Variants in LGI1 observed in about 807,000 individuals in gnomAD.
LGI1 encodes the protein leucine rich glioma inactivated 1, also known as leucine-rich glioma-inactivated protein 1.
A neutral mutation model predicts 57.7 loss-of-function variants in LGI1; 11 were observed. The ratio of observed to expected loss-of-function variants is 0.19; its 90% confidence interval spans 0.12 to 0.32. The LOEUF is 0.32. Among genes scored for constraint, LGI1 ranks in the 10% least tolerant of loss-of-function variants. The pLI is 1.00. For missense variants in LGI1, 422 were observed against 661.9 expected, an observed-to-expected ratio of 0.64 and a Z score of 3.98; for synonymous variants, 222 against 241.9, an observed-to-expected ratio of 0.92 and a Z score of 0.76.
intron 2 of LGI1, among the ~76,000 whole-genome samples, chr10:93,773,866 G>C (rs990489190): frequency 2.6e-5 from 4 of 152,116 alleles, no homozygotes; most frequent in African/African-American, 9.7e-5. Context: ...GGCAAATTCC[G>C]CACAACCTCT....
chr10:93,796,423 A>G (rs2059980157), intron 7 of LGI1, among the ~76,000 whole-genome samples: 1 of 152,194 alleles, frequency 6.6e-6, no homozygotes, highest in African/African-American at 2.4e-5. Flanking sequence ...ACTTGTCCCC[A>G]GCTTGGGTTA....
At chr10:93,784,547 T>C (rs753400864) in intron 4 of LGI1, among the ~76,000 whole-genome samples, 22 of 152,206 alleles carry the variant, frequency 1.4e-4, no homozygotes, top group Non-Finnish European at 2.1e-4. Context: ...AAAGTGAGTC[T>C]GACTGGCAAG....
rs71031540 is a variant in LGI1, at chr10:93,794,362, C to CTTTTTT, written c.838+1026_838+1031dup. ...AAAACTTTTACTTATCTGGATCTCT[C>CTTTTTT]TTTTTTTTTTTTTTTTTTTGAGATG... On this transcript the variant is annotated intron_variant, in intron 7 of 7. Transcript: ENST00000371418. 7.0e-4 allele frequency among the ~76,000 whole-genome samples: 71 copies of CTTTTTT among 101,182 alleles called. 1 individual carries two copies. The highest frequency in any genetic ancestry group is 1.1e-3 in the Non-Finnish European group (58 of 54,396). 66.4% of individuals were successfully genotyped at this position (101,182 alleles called of 152,430 possible).
intron 4 of LGI1, chr10:93,789,424 G>A: frequency 6.5e-6 from 1 of 152,974 alleles, no homozygotes. Flanking sequence ...GGCAGCCCAG[G>A]CAAGAGGAGG....
At chr10:93,792,974 T>C in intron 6 of LGI1, 62 bp downstream of exon 6, 1 of 1,512,410 alleles carries the variant, frequency 6.6e-7, no homozygotes, top group South Asian at 1.1e-5. Context: ...TTTTTTTTCA[T>C]GTGCAGGAAC....
Position 93,797,825 on chromosome 10 carries a change from C to T in LGI1, c.*22C>T. 6.5e-7 allele frequency: 1 copy of T among 1,548,312 alleles called. No individual in the cohort carries two copies. The highest frequency in any genetic ancestry group is 8.8e-7 in the Non-Finnish European group (1 of 1,133,728). The stretch of plus-strand genomic sequence containing the variant: ...ATGAGACACCAAATTCTGTGGCTGC[C>T]ATCAGAAATTTTCTACAGTACATGA... On this transcript the variant is annotated 3_prime_UTR_variant, in exon 8 of 8. Coordinates refer to ENST00000371418, the MANE Select transcript of LGI1 (RefSeq NM_005097.4). The surrounding 1 kb of genome is among the most constrained non-coding windows in gnomAD (Gnocchi z 6.5).
intron 2 of LGI1, chr10:93,764,303 C>T: frequency 6.6e-6 from 1 of 152,376 alleles, no homozygotes. Context: ...CCACGCTGGT[C>T]TCGAACTCCT....
chr10:93,759,008 T>G, intron 2 of LGI1, 177 bp downstream of exon 2: 1 of 618,788 alleles, frequency 1.6e-6, no homozygotes, highest in Non-Finnish European at 2.9e-6. Flanking sequence ...CAGTGCAGGT[T>G]GATTCTTACA....
At chr10:93,786,843 C>T (rs1418649126) in intron 4 of LGI1, among the ~76,000 whole-genome samples, 1 of 152,228 alleles carries the variant, frequency 6.6e-6, no homozygotes, top group African/African-American at 2.4e-5. Context: ...ATCCGCCCAC[C>T]TCTGCCTCCC....
intron 2 of LGI1, chr10:93,771,803 C>G (rs2059744619): frequency 6.6e-6 from 1 of 152,098 alleles, no homozygotes; most frequent in Non-Finnish European, 1.5e-5. Context: ...TGGTGAAACC[C>G]CGTGTCTACT....
At position 93,758,367 on chromosome 10, in the gene LGI1, C is replaced by T; in HGVS notation, c.215+8C>T. The T allele has an allele frequency of 6.2e-7, 1 of 1,612,352 alleles. No homozygotes were observed. The highest frequency in any genetic ancestry group is 8.5e-7 in the Non-Finnish European group (1 of 1,178,518). On this transcript the variant is annotated splice_region_variant and intron_variant, in intron 1 of 7. Coordinates refer to ENST00000371418, the MANE Select transcript of LGI1 (RefSeq NM_005097.4). The surrounding 1 kb of genome is among the most constrained non-coding windows in gnomAD (Gnocchi z 4.7). ...TCCTGATGTTATCTCATTGTAAGGC[C>T]CGTAAGCATTTTGATATCTAATTTA...
intron 2 of LGI1, 185 bp from the exon 3 acceptor site, chr10:93,777,194 T>G (rs908570891): frequency 1.5e-6 from 1 of 652,674 alleles, no homozygotes; most frequent in Admixed American, 2.3e-5. Flanking sequence ...GATGAGCCTT[T>G]GATGAGGAGA....
Position 93,758,930 on chromosome 10 carries a change from C to T in LGI1, c.287+99C>T. On this transcript the variant is annotated intron_variant, in intron 2 of 7. Transcript: ENST00000371418. The surrounding 1 kb of genome is among the most constrained non-coding windows in gnomAD (Gnocchi z 4.7). ...AATATTAATTTTGTCAAATGTGATT[C>T]TATTTCTGAGAAAACAGAATATCCG... 1 of 955,178 alleles carries T rather than the reference C, an allele frequency of 1.0e-6. No individual in the cohort carries two copies. Among genetic ancestry groups the T allele is most frequent in the Non-Finnish European group, 1.7e-6 (1 of 602,808 alleles). 59.2% of individuals were successfully genotyped at this position (955,178 alleles called of 1,614,324 possible).
chr10:93,764,005 A>G (rs575707941), intron 2 of LGI1: 31 of 152,342 alleles, frequency 2.0e-4, no homozygotes, highest in African/African-American at 7.5e-4. Context: ...TGCTTAGCCA[A>G]AATAAGTATT....
intron 4 of LGI1, among the ~76,000 whole-genome samples, chr10:93,787,837 G>A (rs1173317672): frequency 2.0e-5 from 3 of 150,516 alleles, no homozygotes; most frequent in South Asian, 2.1e-4. Flanking sequence ...AGCCAGGGAC[G>A]TTGAGGCTGC....
At chr10:93,779,492 G>C (rs2059827460) in intron 4 of LGI1, among the ~76,000 whole-genome samples, 1 of 150,062 alleles carries the variant, frequency 6.7e-6, no homozygotes, top group Non-Finnish European at 1.5e-5. Context: ...AAAGGAGGGA[G>C]GGAGAAAGAA....
At chr10:93,793,007 A>G in intron 6 of LGI1, 95 bp downstream of exon 6, 1 of 1,364,834 alleles carries the variant, frequency 7.3e-7, no homozygotes, top group Non-Finnish European at 1.0e-6. Flanking sequence ...TATCTTAAAA[A>G]CTAGCTGAGC....
intron 7 of LGI1, among the ~76,000 whole-genome samples, chr10:93,795,395 A>C (rs955616059): frequency 6.6e-6 from 1 of 152,122 alleles, no homozygotes; most frequent in Non-Finnish European, 1.5e-5. Context: ...CTGTGTCCTA[A>C]CATGGCAGAA....
chr10:93,773,256 T>G (rs910262599), intron 2 of LGI1, among the ~76,000 whole-genome samples: 3 of 152,260 alleles, frequency 2.0e-5, no homozygotes, highest in Admixed American at 2.0e-4. Context: ...TAAATCCGTA[T>G]GAGCTGAGTG....
Sources: allele counts gnomAD v4.1 joint callset (sites outside exome capture counted in the v4.1 genomes callset), GRCh38; gene constraint gnomAD v4.1.1; non-coding constraint Gnocchi (gnomAD v3.1); transcripts MANE v1.5; gene names NCBI Gene and HGNC (gene_info 2026-07-23, HGNC 2026-07-21).